The following KCNQ1 variants were observed in gnomAD, a reference collection of about 807,000 sequenced individuals.
KCNQ1 encodes the protein potassium voltage-gated channel subfamily KQT member 1.
In KCNQ1, 49 loss-of-function variants were observed where a neutral mutation model predicts 72.4. The ratio of observed to expected loss-of-function variants is 0.68; its 90% confidence interval spans 0.54 to 0.86. The LOEUF is 0.86. Ranked by LOEUF, KCNQ1 falls within the 40% of genes least tolerant of loss-of-function variation. The pLI, the probability that KCNQ1 is intolerant of heterozygous loss-of-function variation, is 0.00. For missense variants in KCNQ1, 790 were observed against 945.1 expected (o/e 0.84, Z 2.15); for synonymous variants, 450 against 412.6 (o/e 1.09, Z -1.10).
At chr11:2,584,107 G>C (rs866368958) in intron 7 of KCNQ1, among the ~76,000 whole-genome samples, 67 of 152,312 alleles carry the variant, frequency 4.4e-4, no homozygotes, top group African/African-American at 1.6e-3. Context: ...TGTATGTACT[G>C]TATGTGTGCG....
Position 2,536,387 on chromosome 11 carries a change from G to T in KCNQ1, c.477+8369G>T, listed in dbSNP as rs181114335. Among the ~76,000 whole-genome samples the T allele has an allele frequency of 1.3e-5, 2 of 152,110 alleles. No homozygotes were observed. Among genetic ancestry groups the T allele is most frequent in the Non-Finnish European group, 2.9e-5 (2 of 68,010 alleles). ...AGAGTTATGGAAGGAAGGGAGGCTG[G>T]GGTGGGTGCCCCGAGTGCCTTGTTG... On this transcript the variant is annotated intron_variant, in intron 2 of 15. Transcript: ENST00000155840. The surrounding 1 kb of genome is among the most constrained non-coding windows in gnomAD (Gnocchi z 7.4).
In KCNQ1 at chr11:2,805,435, T is replaced by G. The variant is rs144593442; in HGVS notation, c.1794+27398T>G. 2.6e-5 allele frequency among the ~76,000 whole-genome samples: 4 copies of G among 152,324 alleles called. No individual in the cohort carries two copies. In the East Asian group the frequency reaches 7.7e-4, roughly 29 times the overall value. The stretch of plus-strand genomic sequence containing the variant: ...CGCAGTAGGAAAGCAGGCAAAGAAC[T>G]AGAAAGACAATTTACAAAAGGATCT... On this transcript the variant is annotated intron_variant, in intron 15 of 15. Coordinates refer to ENST00000155840, the MANE Select transcript of KCNQ1 (RefSeq NM_000218.3).
intron 11 of KCNQ1, chr11:2,667,709 T>G: frequency 2.5e-6 from 1 of 398,756 alleles, no homozygotes. Flanking sequence ...TCAGGAAGTC[T>G]GGAAGCCGTG....
intron 10 of KCNQ1, chr11:2,631,064 T>C: frequency 2.5e-6 from 1 of 398,572 alleles, no homozygotes; most frequent in Non-Finnish European, 4.4e-6. Context: ...GAAACCTCTT[T>C]TAGATGGAAA....
intron 11 of KCNQ1, among the ~76,000 whole-genome samples, chr11:2,733,814 A>ACACACACACACACACC: frequency 1.2e-5 from 1 of 86,612 alleles, no homozygotes; most frequent in Non-Finnish European, 2.4e-5. Flanking sequence ...ACACACACAC[A>ACACACACACACACACC]CTCTCTCACT....
In KCNQ1 at chr11:2,612,045, CAT is replaced by C; in HGVS notation, c.1393+23196_1393+23197del. On this transcript the variant is annotated intron_variant, in intron 10 of 15. Coordinates refer to ENST00000155840, the MANE Select transcript of KCNQ1 (RefSeq NM_000218.3). This position sits in a 1 kb window ranked among gnomAD's most constrained non-coding sequence, Gnocchi z 5.5. ...CACATATGTTTTCTACTCTTAATTA[CAT>C]ATATGTTACAACTTAATTACACATA... 1 of 398,606 alleles carries C rather than the reference CAT, an allele frequency of 2.5e-6. No individual in the cohort carries two copies. Among genetic ancestry groups the C allele is most frequent in the Non-Finnish European group, 4.4e-6 (1 of 226,064 alleles). The allele number at this position is 398,606 out of a possible 1,614,324, so 24.7% of individuals were successfully genotyped here. A position where few individuals can be genotyped will look rare whatever the true frequency, so the allele number is the denominator to read the frequency against.
Position 2,663,123 on chromosome 11 carries a change from T to C in KCNQ1, c.1514+1042T>C, listed in dbSNP as rs1030704925. On this transcript the variant is annotated intron_variant, in intron 11 of 15. Coordinates refer to ENST00000155840, the MANE Select transcript of KCNQ1 (RefSeq NM_000218.3). The surrounding 1 kb of genome is among the most constrained non-coding windows in gnomAD (Gnocchi z 5.2). ...AGGAGTGGCTATCTTAAGGGGTAAT[T>C]ATGATCAGACAGGACCTGCCCACTG... 2 of 398,498 alleles carry C rather than the reference T, an allele frequency of 5.0e-6. No homozygotes were observed. Among genetic ancestry groups the C allele is most frequent in the African/African-American group, 4.1e-5 (2 of 48,596 alleles). The allele number at this position is 398,498 out of a possible 1,614,324, so 24.7% of individuals were successfully genotyped here. A position where few individuals can be genotyped will look rare whatever the true frequency, so the allele number is the denominator to read the frequency against.
In KCNQ1 at chr11:2,781,410, G is replaced by A. The variant is rs934752368; in HGVS notation, c.1794+3373G>A. Among the ~76,000 whole-genome samples the A allele has an allele frequency of 6.6e-6, 1 of 152,182 alleles. No homozygotes were observed. The highest frequency in any genetic ancestry group is 1.9e-4 in the East Asian group (1 of 5,164). On this transcript the variant is annotated intron_variant, in intron 15 of 15. Coordinates refer to ENST00000155840, the MANE Select transcript of KCNQ1 (RefSeq NM_000218.3). This position sits in a 1 kb window ranked among gnomAD's most constrained non-coding sequence, Gnocchi z 6.6. ...GTATGGAGAGGCTGAGGAGGGTTGA[G>A]GCCAGGGGCAGGCTGGGGGCACCAG...
chr11:2,848,108 A>G lies in KCNQ1; in HGVS notation c.*105A>G, dbSNP rs1346305711. 8 of 956,764 alleles carry G rather than the reference A, an allele frequency of 8.4e-6. No individual in the cohort carries two copies. The highest frequency in any genetic ancestry group is 1.6e-5 in the African/African-American group (1 of 61,966). 59.3% of individuals were successfully genotyped at this position (956,764 alleles called of 1,614,324 possible). Reference sequence around the variant, plus strand: ...CCACCTCCTAAAAGGCCCAGAGAGAAGAGCCCCACTCTCAGAGGCCCCAAT... The same window carrying G: ...CCACCTCCTAAAAGGCCCAGAGAGAGGAGCCCCACTCTCAGAGGCCCCAAT... On this transcript the variant is annotated 3_prime_UTR_variant, in exon 16 of 16. Transcript: ENST00000155840.
At chr11:2,590,014 T>C (rs1158697473) in intron 10 of KCNQ1, among the ~76,000 whole-genome samples, 1 of 152,202 alleles carries the variant, frequency 6.6e-6, no homozygotes, top group Non-Finnish European at 1.5e-5. Flanking sequence ...CACTTCTCCC[T>C]GGGAGCTCCA....
At chr11:2,453,980 GGGT>G (rs1448460727) in intron 1 of KCNQ1, among the ~76,000 whole-genome samples, 3 of 152,246 alleles carry the variant, frequency 2.0e-5, no homozygotes, top group Middle Eastern at 3.4e-3. Context: ...GTGTTGGCAA[GGGT>G]GGTCTTGAAA....
chr11:2,588,744 A>G lies in KCNQ1; in HGVS notation c.1283A>G (p.Asp428Gly), dbSNP rs199472779. 3 of 1,613,796 alleles carry G rather than the reference A, an allele frequency of 1.9e-6. No homozygotes were observed. Among genetic ancestry groups the G allele is most frequent in the Non-Finnish European group, 1.7e-6 (2 of 1,179,984 alleles). Residue 428 changes from aspartate (D) to glycine (G), a missense_variant, in exon 10 of 16, where the codon GAC becomes GGC. Physicochemically the swap from Asp to Gly is moderately conservative, Grantham distance 94. Transcript: ENST00000155840. The surrounding 1 kb of genome is among the most constrained non-coding windows in gnomAD (Gnocchi z 5.6). ...VKKKKFKLDK[D>G]NGVTPGEKML... ...AAAAAAAAGTTCAAGCTGGACAAAGACAATGGGGTGACTCCTGGAGAGAAG... is the reference window on the plus strand; with the variant it reads ...AAAAAAAAGTTCAAGCTGGACAAAGGCAATGGGGTGACTCCTGGAGAGAAG...
Position 2,447,882 on chromosome 11 carries a change from C to T in KCNQ1, c.386+2398C>T, listed in dbSNP as rs570956871. Among the ~76,000 whole-genome samples, 3 of 152,306 alleles carry T rather than the reference C, an allele frequency of 2.0e-5. No homozygotes were observed. In the South Asian group the frequency reaches 6.2e-4, roughly 32 times the overall value. ...ACTCTCCTGTGTGCGCCTGGGGAAGCCAGCCAGGATATCCTGTCCCCTCCT... is the reference window on the plus strand; with the variant it reads ...ACTCTCCTGTGTGCGCCTGGGGAAGTCAGCCAGGATATCCTGTCCCCTCCT... On this transcript the variant is annotated intron_variant, in intron 1 of 15. Transcript: ENST00000155840. The surrounding 1 kb of genome is among the most constrained non-coding windows in gnomAD (Gnocchi z 7.6).
At chr11:2,688,350 C>T (rs1472737719) in intron 11 of KCNQ1, 1 of 398,772 alleles carries the variant, frequency 2.5e-6, no homozygotes, top group Non-Finnish European at 4.4e-6. Context: ...GTCTTCCTCT[C>T]GTGTCTGGGG....
chr11:2,512,568 C>T (rs144397540), intron 1 of KCNQ1, among the ~76,000 whole-genome samples: 6 of 152,342 alleles, frequency 3.9e-5, no homozygotes, highest in African/African-American at 7.2e-5. Flanking sequence ...TGAAGTGTCC[C>T]GCAGTGGCTT....
chr11:2,834,352 G>T (rs1008219770), intron 15 of KCNQ1, among the ~76,000 whole-genome samples: 3 of 152,132 alleles, frequency 2.0e-5, no homozygotes, highest in Non-Finnish European at 2.9e-5. Flanking sequence ...GGCTGGGGAG[G>T]GTGGGCAGAG....
chr11:2,481,202 CT>C lies in KCNQ1; in HGVS notation c.386+35722del, dbSNP rs1378094176. 2.6e-5 allele frequency among the ~76,000 whole-genome samples: 4 copies of C among 152,146 alleles called. No homozygotes were observed. The highest frequency in any genetic ancestry group is 9.7e-5 in the African/African-American group (4 of 41,442). On this transcript the variant is annotated intron_variant, in intron 1 of 15. Coordinates refer to ENST00000155840, the MANE Select transcript of KCNQ1 (RefSeq NM_000218.3). This position sits in a 1 kb window ranked among gnomAD's most constrained non-coding sequence, Gnocchi z 4.6. ...ACTCCTCACCAGACATAAGAAAATG[CT>C]TTTAGTAGATCAGTTTTTCTGATTG...
chr11:2,455,395 C>T (rs564045438), intron 1 of KCNQ1, among the ~76,000 whole-genome samples: 2 of 152,308 alleles, frequency 1.3e-5, no homozygotes, highest in South Asian at 4.1e-4. Context: ...CCGTGCCTGG[C>T]CAATCAGCAG....
intron 1 of KCNQ1, among the ~76,000 whole-genome samples, chr11:2,513,314 C>T (rs1325423478): frequency 2.6e-5 from 4 of 152,186 alleles, no homozygotes; most frequent in Non-Finnish European, 5.9e-5. Context: ...AGTGTCAGTT[C>T]TGGACTCAGC....
Sources: gnomAD v4.1 joint callset for allele counts (sites outside exome capture counted in the v4.1 genomes callset) on GRCh38, gnomAD v4.1.1 for gene constraint, Gnocchi (gnomAD v3.1) non-coding constraint, MANE v1.5 for transcripts, NCBI Gene and HGNC (gene_info 2026-07-23, HGNC 2026-07-21) for gene names.